CHD2: variants seen among roughly 807,000 people sequenced by gnomAD.
CHD2 encodes chromodomain helicase DNA binding protein 2.
A neutral mutation model predicts 243.9 loss-of-function variants in CHD2; 28 were observed. The observed-to-expected ratio is 0.11, with a 90% confidence interval of 0.09 to 0.16. The LOEUF is 0.16. CHD2 is among the 10% of genes least tolerant of loss of function. The pLI, the probability that CHD2 is intolerant of heterozygous loss-of-function variation, is 1.00. For synonymous variants in CHD2, 775 were observed against 779.0 expected, an observed-to-expected ratio of 0.99 and a Z score of 0.09; for missense variants, 1,386 against 2,209.8, an observed-to-expected ratio of 0.63 and a Z score of 7.47.
chr15:92,992,919 C>A lies in CHD2; in HGVS notation c.3516C>A (p.Arg1172=), dbSNP rs201977718. ...ATAAGTCGGTGGCAGATCTGAAGCG[C>A]CTGGGTGAACTGATCCACAACAGCT... ...LVDKSVADLK[R]LGELIHNSCV... Residue 1172 remains arginine, a synonymous_variant, in exon 28 of 39, where the codon CGC becomes CGA. Transcript: ENST00000394196. The A allele has an allele frequency of 6.2e-7, 1 of 1,614,108 alleles. No individual in the cohort carries two copies. Among genetic ancestry groups the A allele is most frequent in the Non-Finnish European group, 8.5e-7 (1 of 1,180,024 alleles).
intron 21 of CHD2, 92 bp from the exon 22 acceptor site, chr15:92,979,043 T>C: frequency 6.6e-7 from 1 of 1,510,922 alleles, no homozygotes; most frequent in Non-Finnish European, 8.9e-7. Context: ...AATTTTCCCC[T>C]CTTGGGTTTT....
At chr15:92,906,626 CTG>C (rs1209445891) in intron 2 of CHD2, among the ~76,000 whole-genome samples, 1 of 148,038 alleles carries the variant, frequency 6.8e-6, no homozygotes, top group East Asian at 2.0e-4. Context: ...AGTGACTGCT[CTG>C]TGTCAGCCAT....
intron 20 of CHD2, among the ~76,000 whole-genome samples, chr15:92,976,629 C>T (rs528886842): frequency 3.8e-4 from 53 of 140,100 alleles, no homozygotes; most frequent in African/African-American, 1.3e-3. Context: ...CCAGCCTGGT[C>T]AACATAGTGA....
chr15:93,021,588 T>C (rs548932482), intron 38 of CHD2: 13 of 152,376 alleles, frequency 8.5e-5, no homozygotes, highest in African/African-American at 2.4e-4. Context: ...GGATAGTTTC[T>C]ATTGCTACCT....
At chr15:92,969,386 T>C (rs970476792) in intron 17 of CHD2, among the ~76,000 whole-genome samples, 3 of 152,212 alleles carry the variant, frequency 2.0e-5, no homozygotes, top group African/African-American at 7.2e-5. Context: ...GCCCTTCTGC[T>C]CTTCCCACTG....
intron 2 of CHD2, among the ~76,000 whole-genome samples, chr15:92,906,663 TC>T (rs1422729026): frequency 1.1e-5 from 1 of 90,024 alleles, no homozygotes; most frequent in Non-Finnish European, 2.4e-5. Context: ...CTATGAGCCA[TC>T]TTTTTTTTTT....
At chr15:92,910,857 T>G (rs1349815367) in intron 2 of CHD2, among the ~76,000 whole-genome samples, 1 of 152,212 alleles carries the variant, frequency 6.6e-6, no homozygotes, top group Non-Finnish European at 1.5e-5. Flanking sequence ...TAGGTGATCT[T>G]GTAGTTGTAT....
chr15:93,017,411 C>T (rs1375721837), intron 37 of CHD2, among the ~76,000 whole-genome samples: 2 of 151,912 alleles, frequency 1.3e-5, no homozygotes, highest in East Asian at 1.9e-4. Flanking sequence ...CTGCAACCTC[C>T]ACCTCCCGGG....
intron 26 of CHD2, among the ~76,000 whole-genome samples, chr15:92,987,917 A>G (rs2054065353): frequency 1.3e-5 from 2 of 151,932 alleles, no homozygotes; most frequent in South Asian, 2.1e-4. Flanking sequence ...TCTTAGAACA[A>G]TTTACTTTGA....
intron 16 of CHD2, among the ~76,000 whole-genome samples, chr15:92,960,843 T>C (rs1474033633): frequency 6.6e-6 from 1 of 151,114 alleles, no homozygotes; most frequent in East Asian, 2.0e-4. Flanking sequence ...GCCTTCCAGG[T>C]AGCTGGGATT....
At position 93,026,168 on chromosome 15, in the gene CHD2, T is replaced by A. The variant is rs2054585282; in HGVS notation, c.*1463T>A. 6.6e-6 allele frequency: 1 copy of A among 152,622 alleles called. No homozygotes were observed. Among genetic ancestry groups the A allele is most frequent in the Non-Finnish European group, 1.5e-5 (1 of 68,040 alleles). The allele number at this position is 152,622 out of a possible 1,614,324, so 9.5% of individuals were successfully genotyped here. Reference sequence around the variant, plus strand: ...TAGATTGCCAGTATTGTTAAGAGTATCCAAAGGCCTTTCTAGATGGAGACA... The same window carrying A: ...TAGATTGCCAGTATTGTTAAGAGTAACCAAAGGCCTTTCTAGATGGAGACA... On this transcript the variant is annotated 3_prime_UTR_variant, in exon 39 of 39. Transcript: ENST00000394196.
At chr15:92,955,644 G>A in intron 15 of CHD2, 132 bp downstream of exon 15, 1 of 510,424 alleles carries the variant, frequency 2.0e-6, no homozygotes, top group Non-Finnish European at 3.4e-6. Context: ...AAATGGTAGG[G>A]TCTGTACCTC....
chr15:93,003,922 G>C (rs1369573641), intron 33 of CHD2, among the ~76,000 whole-genome samples: 1 of 152,006 alleles, frequency 6.6e-6, no homozygotes, highest in African/African-American at 2.4e-5. Context: ...TCAGGAGTTT[G>C]AGACCTGCCT....
chr15:92,934,250 C>T (rs2053225958), intron 5 of CHD2, among the ~76,000 whole-genome samples: 4 of 152,202 alleles, frequency 2.6e-5, no homozygotes, highest in Admixed American at 2.6e-4. Context: ...TGTGTCTAGC[C>T]AACCACCTTT....
intron 2 of CHD2, among the ~76,000 whole-genome samples, chr15:92,920,789 G>A (rs950939171): frequency 2.0e-5 from 3 of 152,128 alleles, no homozygotes; most frequent in African/African-American, 7.2e-5. Context: ...ATTTCAAAGG[G>A]GAGGCAAATT....
rs138626801 is a variant in CHD2 at position 92,927,279 on chromosome 15, G to A, written c.330G>A (p.Arg110=). The change falls in exon 4 of 39, where the codon AGG becomes AGA. Residue 110 remains arginine (R), a synonymous_variant. Transcript: ENST00000394196. The part of the protein sequence containing the change: ...WEEYPDVYGV[R]RSNRSRQEPS... ...AATATCCTGATGTTTATGGGGTCAG[G>A]CGGTCAAACCGAAGCAGACAAGAAC... The A allele has an allele frequency of 2.3e-4, 364 of 1,613,814 alleles. 2 individuals carry two copies. The African/African-American group carries it at 4.4e-3, about 20-fold the overall frequency.
chr15:92,934,140 C>T lies in CHD2; in HGVS notation c.444-3378C>T, dbSNP rs2053224520. Among the ~76,000 whole-genome samples, 3 of 152,186 alleles carry T rather than the reference C, an allele frequency of 2.0e-5. No homozygotes were observed. In the South Asian group the frequency reaches 6.2e-4, roughly 32 times the overall value. On this transcript the variant is annotated intron_variant, in intron 5 of 38. Coordinates refer to ENST00000394196, the MANE Select transcript of CHD2 (RefSeq NM_001271.4). ...TACAGACAGTTAATAGCAAGCCTTA[C>T]CAACTCTTGGTCAAAGTTCTGGCTC...
chr15:92,908,600 G>T (rs1481989420), intron 2 of CHD2, among the ~76,000 whole-genome samples: 1 of 152,140 alleles, frequency 6.6e-6, no homozygotes, highest in Non-Finnish European at 1.5e-5. Context: ...CAGTATCTCC[G>T]TGTGTTTTCA....
intron 28 of CHD2, among the ~76,000 whole-genome samples, chr15:92,995,176 T>A (rs1021935431): frequency 6.6e-6 from 1 of 152,090 alleles, no homozygotes; most frequent in African/African-American, 2.4e-5. Flanking sequence ...TCAAAATATA[T>A]GTTTAAATTA....
Sources: allele counts gnomAD v4.1 joint callset (sites outside exome capture counted in the v4.1 genomes callset), GRCh38; gene constraint gnomAD v4.1.1; transcripts MANE v1.5; gene names NCBI Gene and HGNC (gene_info 2026-07-23, HGNC 2026-07-21).